The following NBPF9 variants were observed in gnomAD, a reference collection of about 807,000 sequenced individuals.
The protein encoded by NBPF9 is NBPF family member NBPF9.
Under a neutral mutation model 97.8 loss-of-function variants are expected in NBPF9, and 91 were observed. The observed-to-expected ratio is 0.93, with a 90% confidence interval of 0.79 to 1.11. The LOEUF (loss-of-function observed/expected upper bound fraction) is 1.11. NBPF9 is among the 50% of genes least tolerant of loss of function. The pLI is 0.00. For synonymous variants in NBPF9, 334 were observed against 359.5 expected, an observed-to-expected ratio of 0.93 and a Z score of 0.80; for missense variants, 992 against 939.5, an observed-to-expected ratio of 1.06 and a Z score of -0.73.
exon 9 of NBPF9, chr1:149,079,075 T>C: frequency 7.0e-7 from 1 of 1,420,714 alleles, no homozygotes; most frequent in Non-Finnish European, 9.9e-7. Flanking sequence ...TTGGAGGTCC[T>C]GCCCCTGGGA....
At chr1:149,085,948 A>C (rs1234630019) in intron 5 of NBPF9, among the ~76,000 whole-genome samples, 1 of 151,254 alleles carries the variant, frequency 6.6e-6, no homozygotes, top group African/African-American at 2.4e-5. Context: ...CCAAGGAGCC[A>C]CTGTCACTTC....
chr1:149,071,025 G>C lies in NBPF9; in HGVS notation c.1494C>G (p.Thr498=), dbSNP rs587748947. 224 of 1,611,834 alleles carry C rather than the reference G, an allele frequency of 1.4e-4. No individual in the cohort carries two copies. In the African/African-American group the frequency reaches 2.4e-3, roughly 17 times the overall value. Reference sequence around the variant, plus strand: ...CTTTGTCTTCCTCAAATGTGATTTTGGTTTTCCTATGTGGCTGGTTGGAGT... The same window carrying C: ...CTTTGTCTTCCTCAAATGTGATTTTCGTTTTCCTATGTGGCTGGTTGGAGT... Residue 498 remains threonine (T), a synonymous_variant, in exon 16 of 30, where the codon ACC becomes ACG. Transcript: ENST00000584027.
At chr1:149,074,068 AAG>A (rs2079642789) in intron 12 of NBPF9, among the ~76,000 whole-genome samples, 198 bp from the exon 13 acceptor site, 1 of 150,978 alleles carries the variant, frequency 6.6e-6, no homozygotes. Flanking sequence ...AAGACGAAGA[AAG>A]AGAACCTCAA....
intron 25 of NBPF9, chr1:149,059,448 G>A: frequency 2.5e-6 from 1 of 397,790 alleles, no homozygotes. Flanking sequence ...CATAAAATAT[G>A]CTCAAAATTC....
At chr1:149,062,566 G>A in intron 21 of NBPF9, among the ~76,000 whole-genome samples, 1 of 140,992 alleles carries the variant, frequency 7.1e-6, no homozygotes, top group East Asian at 2.1e-4. Context: ...GGGACACACA[G>A]CGAACAGTGA....
At chr1:149,097,987 C>T (rs1368271150) in intron 4 of NBPF9, among the ~76,000 whole-genome samples, 19 of 152,118 alleles carry the variant, frequency 1.2e-4, no homozygotes, top group Admixed American at 1.2e-3. Context: ...AAACCACACA[C>T]ATCTCCCCAC....
chr1:149,089,757 T>C (rs1203371201), intron 5 of NBPF9, among the ~76,000 whole-genome samples: 1 of 152,312 alleles, frequency 6.6e-6, no homozygotes, highest in African/African-American at 2.4e-5. Context: ...AGTTGTATTA[T>C]AAAGGGCTAG....
At chr1:149,084,767 G>A (rs1252074456) in intron 5 of NBPF9, among the ~76,000 whole-genome samples, 1 of 150,286 alleles carries the variant, frequency 6.7e-6, no homozygotes, top group Non-Finnish European at 1.5e-5. Flanking sequence ...GACTGGTCAA[G>A]CTTTGTCATG....
At chr1:149,059,299 G>T in intron 25 of NBPF9, 1 of 484,626 alleles carries the variant, frequency 2.1e-6, no homozygotes, top group Non-Finnish European at 3.8e-6. Flanking sequence ...GGGAGAGACA[G>T]AGACAGAGAC....
intron 4 of NBPF9, among the ~76,000 whole-genome samples, chr1:149,094,602 T>C (rs1305872776): frequency 6.9e-6 from 1 of 145,056 alleles, no homozygotes; most frequent in Non-Finnish European, 1.5e-5. Context: ...ACTTACATCA[T>C]TGAGTTGTAC....
chr1:149,079,293 A>G, intron 8 of NBPF9, 72 bp from the exon 9 acceptor site: 2 of 1,323,912 alleles, frequency 1.5e-6, no homozygotes, highest in Non-Finnish European at 2.2e-6. Flanking sequence ...TGCAACAGAG[A>G]CTTCTGAGAT....
chr1:149,080,801 T>C (rs1347624719), intron 7 of NBPF9, among the ~76,000 whole-genome samples: 12 of 124,378 alleles, frequency 9.6e-5, no homozygotes, highest in Middle Eastern at 3.8e-3. Context: ...TAATAGATAG[T>C]GTTTACACTG....
chr1:149,059,178 T>C, intron 25 of NBPF9, 81 bp from the exon 26 acceptor site: 2 of 424,848 alleles, frequency 4.7e-6, no homozygotes, highest in East Asian at 6.0e-5. Context: ...ATGGCTAACA[T>C]AAGGAACTGT....
chr1:149,090,649 T>G, intron 5 of NBPF9, 104 bp downstream of exon 5: 1 of 593,834 alleles, frequency 1.7e-6, no homozygotes. Flanking sequence ...AAAACTCAGC[T>G]AAGCATATGG....
In NBPF9 at chr1:149,059,633, G is replaced by A; in HGVS notation, c.2585+67C>T. 3 of 544,766 alleles carry A rather than the reference G, an allele frequency of 5.5e-6. 1 individual carries two copies. The South Asian group carries it at 5.8e-5, about 11-fold the overall frequency. The allele number at this position is 544,766 out of a possible 1,614,324, so 33.7% of individuals were successfully genotyped here. Reference sequence around the variant, plus strand: ...AAAACGTGACATCAAACACACTCTGGTTTCCCTGAATCTGTTGCCTCCAGG... The same window carrying A: ...AAAACGTGACATCAAACACACTCTGATTTCCCTGAATCTGTTGCCTCCAGG... On this transcript the variant is annotated intron_variant, in intron 25 of 29. Transcript: ENST00000584027.
At chr1:149,077,338 G>C (rs1470382232) in exon 11 of NBPF9, 1 of 1,609,620 alleles carries the variant, frequency 6.2e-7, no homozygotes. Context: ...AGTCACAAGG[G>C]CCGTGGCTAT....
At chr1:149,068,339 A>G (rs1391843135) in intron 17 of NBPF9, among the ~76,000 whole-genome samples, 5 of 151,244 alleles carry the variant, frequency 3.3e-5, no homozygotes, top group Non-Finnish European at 5.9e-5. Flanking sequence ...GGCAAATTGG[A>G]TAAAGAGTCA....
chr1:149,069,553 T>G, intron 17 of NBPF9, 41 bp downstream of exon 17: 1 of 730,452 alleles, frequency 1.4e-6, no homozygotes, highest in Non-Finnish European at 2.5e-6. Context: ...AATCTCCAGA[T>G]GTCACTACTG....
At chr1:149,097,738 C>T (rs1378063764) in intron 4 of NBPF9, among the ~76,000 whole-genome samples, 1 of 152,060 alleles carries the variant, frequency 6.6e-6, no homozygotes, top group Admixed American at 6.5e-5. Context: ...TATGGGGTCT[C>T]TAGCCCAGAG....
Sources: gnomAD v4.1 joint callset for allele counts (sites outside exome capture counted in the v4.1 genomes callset) on GRCh38, gnomAD v4.1.1 for gene constraint, MANE v1.5 for transcripts, NCBI Gene and HGNC (gene_info 2026-07-23, HGNC 2026-07-21) for gene names.